The following SNX16 variants were observed in gnomAD, a reference collection of about 807,000 sequenced individuals.
SNX16 encodes sorting nexin-16.
In SNX16, 35 loss-of-function variants were observed where a neutral mutation model predicts 36.7. The observed-to-expected ratio is 0.95, with a 90% CI of 0.73 to 1.27. The LOEUF (loss-of-function observed/expected upper bound fraction) is 1.27. SNX16 is among the 50% of genes most tolerant of loss of function. The pLI is 0.00. For synonymous variants in SNX16, 134 were observed against 132.0 expected (o/e 1.02, Z -0.10); for missense variants, 367 against 393.6 (o/e 0.93, Z 0.57).
chr8:81,835,122 A>G (rs971095261), intron 2 of SNX16, among the ~76,000 whole-genome samples: 55 of 152,278 alleles, frequency 3.6e-4, no homozygotes, highest in African/African-American at 1.3e-3. Context: ...GCTCAACACT[A>G]TGTGGCAGCT....
intron 5 of SNX16, among the ~76,000 whole-genome samples, chr8:81,803,690 G>T (rs1015997533): frequency 6.6e-6 from 1 of 151,914 alleles, no homozygotes; most frequent in Non-Finnish European, 1.5e-5. Context: ...TTGACACTTG[G>T]GTTGCAGTAC....
chr8:81,807,685 A>G (rs752829500), intron 5 of SNX16: 17 of 549,922 alleles, frequency 3.1e-5, no homozygotes, highest in Admixed American at 5.1e-5. Context: ...AGTTAAATCA[A>G]TTAAAAGATC....
At chr8:81,808,395 G>A in intron 5 of SNX16, 1 of 1,255,048 alleles carries the variant, frequency 8.0e-7, no homozygotes, top group South Asian at 1.2e-5. Context: ...TTGTGGAGGT[G>A]TTTTCGGTGG....
At position 81,810,097 on chromosome 8, in the gene SNX16, TGTAC is replaced by T. The variant is rs1454335679; in HGVS notation, c.681+5224_681+5227del. 6.6e-5 allele frequency among the ~76,000 whole-genome samples: 10 copies of T among 152,268 alleles called. No homozygotes were observed. In the East Asian group the frequency reaches 1.9e-3, roughly 29 times the overall value. On this transcript the variant is annotated intron_variant, in intron 5 of 7. Transcript: ENST00000345957. ...GCTTAAGAATTCTGCTTTAATTGTT[TGTAC>T]TTATAATTCATATAAAATATTAAAA...
In SNX16 at chr8:81,839,821, T is replaced by C. The variant is rs764545691; in HGVS notation, c.166A>G (p.Ser56Gly). 2.5e-6 allele frequency: 4 copies of C among 1,613,608 alleles called. No homozygotes were observed. The highest frequency in any genetic ancestry group is 3.3e-5 in the Admixed American group (2 of 60,004). ...DSNMGNFKQT[S>G]VPDQMDNTSS... ...GTATTATCCATTTGATCAGGAACAC[T>C]TGTCTGTTTAAAATTACCCATATTT... Residue 56 changes from serine to glycine, a missense_variant, in exon 2 of 8, where the codon AGT (serine) becomes GGT (glycine). Transcript: ENST00000345957.
chr8:81,816,176 ATT>A (rs1412960282), intron 4 of SNX16, among the ~76,000 whole-genome samples: 1 of 127,062 alleles, frequency 7.9e-6, no homozygotes, highest in Non-Finnish European at 1.7e-5. Flanking sequence ...TTTACAAAGG[ATT>A]TTCTTTTTTT....
intron 2 of SNX16, among the ~76,000 whole-genome samples, chr8:81,839,245 A>G (rs905790315): frequency 6.6e-6 from 1 of 152,200 alleles, no homozygotes; most frequent in Non-Finnish European, 1.5e-5. Context: ...GACCAGATGC[A>G]AAAAGAGTAT....
intron 2 of SNX16, among the ~76,000 whole-genome samples, chr8:81,829,880 TTAA>T (rs1476747413): frequency 2.0e-5 from 3 of 152,160 alleles, no homozygotes; most frequent in Non-Finnish European, 4.4e-5. Flanking sequence ...ATTTTTAAAC[TTAA>T]TAACTATCAA....
intron 3 of SNX16, among the ~76,000 whole-genome samples, chr8:81,825,573 T>C (rs928388428): frequency 6.6e-6 from 1 of 152,212 alleles, no homozygotes; most frequent in Admixed American, 6.5e-5. Context: ...TATGCATGCC[T>C]TAGTCATAGT....
At chr8:81,824,419 T>C (rs1480238846) in intron 3 of SNX16, among the ~76,000 whole-genome samples, 3 of 152,268 alleles carry the variant, frequency 2.0e-5, no homozygotes, top group Non-Finnish European at 4.4e-5. Flanking sequence ...ACAAATATTT[T>C]CTCCCAACTT....
In SNX16 at chr8:81,839,653, T is replaced by C. The variant is rs190416730; in HGVS notation, c.334A>G (p.Ile112Val). The change falls in exon 2 of 8, where the codon ATA becomes GTA. Residue 112 changes from isoleucine (I) to valine (V), a missense_variant. Ile to Val is a conservative substitution (Grantham distance 29). Transcript: ENST00000345957. ...NWEDRPSTPT[I>V]LGYEVMEERA... Reference sequence around the variant, plus strand: ...TCTTCCATCACTTCATAACCCAGTATAGTAGGTGTAGATGGTCTATCTTCC... The same window carrying C: ...TCTTCCATCACTTCATAACCCAGTACAGTAGGTGTAGATGGTCTATCTTCC... 1.9e-5 allele frequency: 31 copies of C among 1,613,828 alleles called. No homozygotes were observed. The highest frequency in any genetic ancestry group is 3.3e-4 in the Middle Eastern group (2 of 6,054).
intron 1 of SNX16, chr8:81,841,788 C>T (rs12542216): frequency 0.16 from 23,625 of 152,204 alleles, 2,379 homozygotes; most frequent in South Asian, 0.25. Flanking sequence ...ACCCCGTGGG[C>T]GGGAGGAAAG....
chr8:81,842,176 G>A lies in SNX16; in HGVS notation c.-151C>T, dbSNP rs890871743. ...GCGCTTCCCGGTGACGGTTAAACCGGACTCTCCTTAACCGCAGCTTTTCGC... is the reference window on the plus strand; with the variant it reads ...GCGCTTCCCGGTGACGGTTAAACCGAACTCTCCTTAACCGCAGCTTTTCGC... On this transcript the variant is annotated 5_prime_UTR_variant, in exon 1 of 8. Transcript: ENST00000345957. The A allele has an allele frequency of 6.7e-6, 1 of 150,112 alleles. No individual in the cohort carries two copies. The highest frequency in any genetic ancestry group is 1.5e-5 in the Non-Finnish European group (1 of 67,686). 9.3% of individuals were successfully genotyped at this position (150,112 alleles called of 1,614,324 possible).
In SNX16 at chr8:81,801,474, TG is replaced by T; in HGVS notation, c.*22del. On this transcript the variant is annotated 3_prime_UTR_variant, in exon 8 of 8. Transcript: ENST00000345957. ...CTTCTAAATTTTTGAATAGTCTAAA[TG>T]GAGGGAACTGCTTGTGATACATTAG... 1 of 1,424,342 alleles carries T rather than the reference TG, an allele frequency of 7.0e-7. No individual in the cohort carries two copies. The highest frequency in any genetic ancestry group is 9.7e-7 in the Non-Finnish European group (1 of 1,032,558). The allele number at this position is 1,424,342 out of a possible 1,614,324, so 88.2% of individuals were successfully genotyped here. A position where few individuals can be genotyped will look rare whatever the true frequency, so the allele number is the denominator to read the frequency against.
chr8:81,809,011 G>A (rs1410548818), intron 5 of SNX16, among the ~76,000 whole-genome samples: 1 of 151,688 alleles, frequency 6.6e-6, no homozygotes, highest in Non-Finnish European at 1.5e-5. Context: ...TTGCACCCAG[G>A]CTGTTGATTG....
intron 1 of SNX16, among the ~76,000 whole-genome samples, chr8:81,840,665 T>G (rs572708015): frequency 1.2e-4 from 18 of 150,378 alleles, no homozygotes; most frequent in African/African-American, 4.1e-4. Context: ...GTCAAGTTAC[T>G]CAAATAAAAC....
intron 5 of SNX16, among the ~76,000 whole-genome samples, chr8:81,810,695 C>T (rs910969544): frequency 1.3e-5 from 2 of 152,044 alleles, no homozygotes; most frequent in African/African-American, 2.4e-5. Context: ...ACATCAGGAG[C>T]GATTTTAAAC....
chr8:81,836,708 A>C (rs1811510575), intron 2 of SNX16, among the ~76,000 whole-genome samples: 1 of 152,224 alleles, frequency 6.6e-6, no homozygotes, highest in Non-Finnish European at 1.5e-5. Flanking sequence ...CCCTTGGATT[A>C]CTAAAAGAAC....
intron 5 of SNX16, among the ~76,000 whole-genome samples, chr8:81,804,378 T>C (rs534478309): frequency 2.0e-5 from 3 of 152,000 alleles, no homozygotes; most frequent in East Asian, 3.9e-4. Context: ...AAAAGAAACA[T>C]TGACTGTGTG....
Sources: allele counts gnomAD v4.1 joint callset (sites outside exome capture counted in the v4.1 genomes callset), GRCh38; gene constraint gnomAD v4.1.1; transcripts MANE v1.5; gene names NCBI Gene and HGNC (gene_info 2026-07-23, HGNC 2026-07-21).